The following ATRNL1 variants were observed in gnomAD, a reference collection of about 807,000 sequenced individuals.
ATRNL1 encodes the protein attractin like 1.
Under a neutral mutation model 182.7 loss-of-function variants are expected in ATRNL1, and 95 were observed. That is an observed-to-expected ratio of 0.52 (90% CI 0.44 to 0.62). ATRNL1 has a LOEUF of 0.62. Ranked by LOEUF, ATRNL1 falls within the 20% of genes least tolerant of loss-of-function variation. ATRNL1 has a pLI of 0.00. For synonymous variants in ATRNL1, 576 were observed against 568.3 expected (o/e 1.01, Z -0.19); for missense variants, 1,471 against 1,679.5 (o/e 0.88, Z 2.17).
Position 115,094,041 on chromosome 10 carries a change from C to A in ATRNL1, c.291C>A (p.Phe97Leu), listed in dbSNP as rs781996190. ...GDQCQHCQGR[F>L]KLTEPSGYLT... ...AGTGCCAGCACTGCCAGGGCAGGTT[C>A]AAGTAAGTGCCTTCGCCGGACCCCG... is the stretch of plus-strand genomic sequence containing the variant. Residue 97 changes from phenylalanine (F) to leucine (L), a missense_variant and splice_region_variant, in exon 1 of 29, where the codon TTC becomes TTA. Phe to Leu is a conservative substitution (Grantham distance 22). This residue lies in a region of ATRNL1 where 1,031 missense variants were observed against 1,156.0 expected (regional missense o/e 0.89). Coordinates refer to ENST00000355044, the MANE Select transcript of ATRNL1 (RefSeq NM_207303.4). The A allele has an allele frequency of 6.7e-7, 1 of 1,489,396 alleles. No individual in the cohort carries two copies. The highest frequency in any genetic ancestry group is 2.7e-5 in the East Asian group (1 of 37,638). The allele number at this position is 1,489,396 out of a possible 1,614,324, so 92.3% of individuals were successfully genotyped here.
At chr10:115,297,402 G>T (rs1388303029) in intron 15 of ATRNL1, among the ~76,000 whole-genome samples, 1 of 152,088 alleles carries the variant, frequency 6.6e-6, no homozygotes, top group Non-Finnish European at 1.5e-5. Flanking sequence ...AGCACTTTGG[G>T]AGGCTGAGGC....
At chr10:115,536,787 G>A (rs1033088862) in intron 25 of ATRNL1, among the ~76,000 whole-genome samples, 1 of 152,080 alleles carries the variant, frequency 6.6e-6, no homozygotes, top group Non-Finnish European at 1.5e-5. Flanking sequence ...TAATCATGTT[G>A]TACATAAACA....
chr10:115,412,274 A>T lies in ATRNL1; in HGVS notation c.3270-13976A>T, dbSNP rs182424514. ...CTCGGTCCTATAGTGGTAAGGAAAT[A>T]AATTTTGCCAAAAACCTGAGGGAAA... On this transcript the variant is annotated intron_variant, in intron 20 of 28. Coordinates refer to ENST00000355044, the MANE Select transcript of ATRNL1 (RefSeq NM_207303.4). Among the ~76,000 whole-genome samples the T allele has an allele frequency of 2.7e-4, 41 of 152,292 alleles. No individual in the cohort carries two copies. The East Asian group carries it at 7.5e-3, about 28-fold the overall frequency.
intron 8 of ATRNL1, among the ~76,000 whole-genome samples, chr10:115,194,521 T>TTTTG (rs1564810981): frequency 6.6e-6 from 1 of 151,970 alleles, no homozygotes; most frequent in African/African-American, 2.4e-5. Context: ...CTTGCTTTTT[T>TTTTG]TTTGTTTGTT....
At chr10:115,531,188 C>T (rs1851558704) in intron 25 of ATRNL1, among the ~76,000 whole-genome samples, 1 of 152,040 alleles carries the variant, frequency 6.6e-6, no homozygotes, top group African/African-American at 2.4e-5. Context: ...TTCTAGATCC[C>T]TGAGTAATCG....
At chr10:115,417,662 G>A (rs983544821) in intron 20 of ATRNL1, among the ~76,000 whole-genome samples, 1 of 152,170 alleles carries the variant, frequency 6.6e-6, no homozygotes, top group South Asian at 2.1e-4. Flanking sequence ...TCTCTCACCT[G>A]TTCAGAGACC....
intron 26 of ATRNL1, among the ~76,000 whole-genome samples, chr10:115,633,498 G>T (rs1858657520): frequency 6.6e-6 from 1 of 152,160 alleles, no homozygotes; most frequent in Non-Finnish European, 1.5e-5. Flanking sequence ...TCAAAGTTAT[G>T]AGTTGAAATG....
rs1289719570 is a variant in ATRNL1 at position 115,777,765 on chromosome 10, T to A, written c.3903+50410T>A. On this transcript the variant is annotated intron_variant, in intron 27 of 28. Transcript: ENST00000355044. ...ACCCACAAAAGGCTTTCAGTGTGGT[T>A]AGGAAGAAATATGCAACCCTTGGGG... Among the ~76,000 whole-genome samples, 3 of 152,116 alleles carry A rather than the reference T, an allele frequency of 2.0e-5. No individual in the cohort carries two copies. The East Asian group carries it at 5.8e-4, about 29-fold the overall frequency.
intron 8 of ATRNL1, among the ~76,000 whole-genome samples, chr10:115,177,729 C>T (rs1256533225): frequency 2.0e-5 from 3 of 151,686 alleles, no homozygotes; most frequent in African/African-American, 7.3e-5. Context: ...CCTGTTTTGA[C>T]GTCCCAAAGT....
chr10:115,913,517 A>AGGGATG (rs2134533252), intron 28 of ATRNL1, among the ~76,000 whole-genome samples: 1 of 152,346 alleles, frequency 6.6e-6, no homozygotes, highest in East Asian at 1.9e-4. Flanking sequence ...TCTACCTCAT[A>AGGGATG]GGGATGGTGA....
chr10:115,117,064 A>G (rs781981317), intron 1 of ATRNL1, among the ~76,000 whole-genome samples: 2 of 151,950 alleles, frequency 1.3e-5, no homozygotes, highest in Non-Finnish European at 2.9e-5. Flanking sequence ...GGGGATATAT[A>G]TTTTTAATTT....
At chr10:115,212,074 G>C (rs2144382679) in intron 8 of ATRNL1, among the ~76,000 whole-genome samples, 1 of 151,552 alleles carries the variant, frequency 6.6e-6, no homozygotes, top group Admixed American at 6.6e-5. Flanking sequence ...ATGCAGGTTT[G>C]TTATGTGGCT....
At chr10:115,735,206 A>G (rs141129437) in intron 27 of ATRNL1, among the ~76,000 whole-genome samples, 252 of 152,290 alleles carry the variant, frequency 1.7e-3, no homozygotes, top group Admixed American at 3.9e-3. Flanking sequence ...TGCCTTTAGC[A>G]TATGTCTTTT....
chr10:115,223,929 A>ATATATTT (rs1420143943), intron 9 of ATRNL1, among the ~76,000 whole-genome samples: 15 of 44,728 alleles, frequency 3.4e-4, no homozygotes, highest in Non-Finnish European at 4.9e-4. Context: ...ATATATATAT[A>ATATATTT]TTTTTTTTTT....
chr10:115,582,145 T>G (rs1256053586), intron 26 of ATRNL1, among the ~76,000 whole-genome samples: 3 of 152,018 alleles, frequency 2.0e-5, no homozygotes, highest in Non-Finnish European at 4.4e-5. Flanking sequence ...AGTCTATCAT[T>G]GTTGGGCATT....
intron 24 of ATRNL1, among the ~76,000 whole-genome samples, chr10:115,498,210 A>G (rs1554978969): frequency 6.6e-6 from 1 of 152,068 alleles, no homozygotes. Flanking sequence ...TTCTTTGCCT[A>G]TTATTATTAT....
At chr10:115,223,887 A>ACG (rs1554771071) in intron 9 of ATRNL1, among the ~76,000 whole-genome samples, 2 of 80,090 alleles carry the variant, frequency 2.5e-5, no homozygotes, top group Non-Finnish European at 4.9e-5. Flanking sequence ...TATTTAATAT[A>ACG]TGTGTGTGTG....
At chr10:115,554,201 G>A (rs1027995668) in intron 26 of ATRNL1, among the ~76,000 whole-genome samples, 11 of 151,406 alleles carry the variant, frequency 7.3e-5, no homozygotes, top group African/African-American at 2.4e-4. Context: ...TGCAGTTAAT[G>A]GCCACAATGT....
intron 19 of ATRNL1, among the ~76,000 whole-genome samples, chr10:115,393,783 T>G (rs1223726079): frequency 6.6e-6 from 1 of 152,146 alleles, no homozygotes; most frequent in Non-Finnish European, 1.5e-5. Flanking sequence ...ATGTAGAAAT[T>G]AAAATCTACC....
Sources: gnomAD v4.1 joint callset for allele counts (sites outside exome capture counted in the v4.1 genomes callset) on GRCh38, gnomAD v4.1.1 for gene constraint, gnomAD v4.1.1 regional missense constraint, MANE v1.5 for transcripts, NCBI Gene and HGNC (gene_info 2026-07-23, HGNC 2026-07-21) for gene names.